Variants in CDH8 observed in about 807,000 individuals in gnomAD.
CDH8 encodes the protein cadherin 8.
CDH8 carries 17 observed loss-of-function variants against 68.1 expected under a neutral mutation model. That is an observed-to-expected ratio of 0.25 (90% CI 0.17 to 0.37). The LOEUF (loss-of-function observed/expected upper bound fraction) is 0.37, where lower values mean the gene tolerates loss of function less well. CDH8 is among the 10% of genes least tolerant of loss of function. The probability of loss-of-function intolerance (pLI) is 1.00; values close to 1 mark genes in which losing one functional copy is unlikely to be tolerated. For synonymous variants in CDH8, 372 were observed against 365.1 expected (o/e 1.02, Z -0.21); for missense variants, 763 against 999.3 (o/e 0.76, Z 3.19).
chr16:61,928,526 C>G (rs1264281756), intron 2 of CDH8, among the ~76,000 whole-genome samples: 3 of 152,162 alleles, frequency 2.0e-5, no homozygotes, highest in African/African-American at 2.4e-5. Flanking sequence ...TCACCTCCAA[C>G]TCTAAACCTG....
intron 2 of CDH8, among the ~76,000 whole-genome samples, chr16:61,912,789 T>G (rs1964181679): frequency 6.6e-6 from 1 of 152,110 alleles, no homozygotes; most frequent in South Asian, 2.1e-4. Flanking sequence ...CTTCTCAGAT[T>G]ATCCTACAGA....
At chr16:61,695,804 G>C (rs1964314460) in intron 10 of CDH8, among the ~76,000 whole-genome samples, 1 of 152,098 alleles carries the variant, frequency 6.6e-6, no homozygotes, top group Non-Finnish European at 1.5e-5. Flanking sequence ...GAGTAAAGAT[G>C]GATACAGTTT....
intron 2 of CDH8, among the ~76,000 whole-genome samples, chr16:61,972,196 G>A (rs1410499180): frequency 6.6e-6 from 1 of 152,144 alleles, no homozygotes; most frequent in Non-Finnish European, 1.5e-5. Context: ...CACCATGTAA[G>A]ATGTGACTTT....
intron 2 of CDH8, among the ~76,000 whole-genome samples, chr16:62,006,942 C>A (rs1157506419): frequency 6.7e-6 from 1 of 148,638 alleles, no homozygotes; most frequent in African/African-American, 2.5e-5. Flanking sequence ...GAGTCTCACT[C>A]TGTCGCCCAG....
At chr16:61,833,146 C>T (rs1015934079) in intron 4 of CDH8, among the ~76,000 whole-genome samples, 10 of 151,104 alleles carry the variant, frequency 6.6e-5, no homozygotes, top group African/African-American at 2.2e-4. Context: ...TATTATTGTT[C>T]GGTATTATTA....
Position 62,021,366 on chromosome 16 carries a change from C to G in CDH8, c.38G>C (p.Trp13Ser). The change falls in exon 2 of 12, where the codon TGG becomes TCG. Residue 13 changes from tryptophan (W) to serine (S), a missense_variant. Physicochemically the swap from Trp to Ser is radical, Grantham distance 177. This residue lies in a region of CDH8 where 366 missense variants were observed against 563.1 expected (regional missense o/e 0.65). Transcript: ENST00000577390. ...AATCCATAATATTATTAATGGAGTC[C>G]AGAGATCCAAGAGCATTTCCGCTAG... ...ERLAEMLLDLWTPLIILWITL... is the reference protein window; with the variant it reads ...ERLAEMLLDLSTPLIILWITL... The G allele has an allele frequency of 6.2e-7, 1 of 1,613,058 alleles. No individual in the cohort carries two copies. Among genetic ancestry groups the G allele is most frequent in the Non-Finnish European group, 8.5e-7 (1 of 1,179,304 alleles).
intron 3 of CDH8, among the ~76,000 whole-genome samples, chr16:61,861,120 C>G (rs1597024407): frequency 6.6e-6 from 1 of 152,228 alleles, no homozygotes; most frequent in East Asian, 1.9e-4. Context: ...AGGTTTTACC[C>G]TCTGAAAAAC....
intron 7 of CDH8, among the ~76,000 whole-genome samples, chr16:61,796,693 CT>C (rs1459122752): frequency 3.3e-5 from 5 of 152,006 alleles, no homozygotes; most frequent in Non-Finnish European, 7.4e-5. Context: ...AGTAGTATTT[CT>C]TGGAAGTAAA....
chr16:61,847,962 C>A (rs139059289), intron 4 of CDH8, among the ~76,000 whole-genome samples: 217 of 151,808 alleles, frequency 1.4e-3, no homozygotes, highest in African/African-American at 5.0e-3. Context: ...AGTTAACATC[C>A]CTTGGATATT....
chr16:61,972,571 G>GGGGGT (rs369833002), intron 2 of CDH8, among the ~76,000 whole-genome samples: 42 of 131,466 alleles, frequency 3.2e-4, no homozygotes, highest in Middle Eastern at 3.4e-3. Flanking sequence ...ACACATTGTG[G>GGGGGT]GTGTGTGTGT....
At chr16:61,917,615 A>G (rs1964264885) in intron 2 of CDH8, among the ~76,000 whole-genome samples, 1 of 152,146 alleles carries the variant, frequency 6.6e-6, no homozygotes, top group Non-Finnish European at 1.5e-5. Context: ...CTTGCTGCCT[A>G]TCTGTAAGTA....
intron 10 of CDH8, among the ~76,000 whole-genome samples, chr16:61,701,412 T>C (rs1964426125): frequency 6.6e-6 from 1 of 152,222 alleles, no homozygotes; most frequent in Non-Finnish European, 1.5e-5. Context: ...CAGAAAACAG[T>C]AAATATTTCT....
chr16:62,005,320 C>T (rs544715251), intron 2 of CDH8, among the ~76,000 whole-genome samples: 2 of 152,254 alleles, frequency 1.3e-5, no homozygotes, highest in East Asian at 3.9e-4. Context: ...GTGTGGTTTC[C>T]TGGCCTGCGT....
At chr16:62,020,381 A>G (rs1426735438) in intron 2 of CDH8, among the ~76,000 whole-genome samples, 1 of 151,890 alleles carries the variant, frequency 6.6e-6, no homozygotes, top group Non-Finnish European at 1.5e-5. Context: ...GTAGTCTCCA[A>G]TAACCCAGTG....
intron 2 of CDH8, among the ~76,000 whole-genome samples, chr16:61,989,505 A>G (rs1359916231): frequency 6.6e-6 from 1 of 152,174 alleles, no homozygotes; most frequent in Non-Finnish European, 1.5e-5. Flanking sequence ...GAAGAACAAT[A>G]TACACATTCA....
chr16:61,911,154 G>C (rs867565728), intron 2 of CDH8, among the ~76,000 whole-genome samples: 4 of 152,034 alleles, frequency 2.6e-5, no homozygotes, highest in African/African-American at 9.7e-5. Context: ...CTCCAAGAGT[G>C]GAAGGATGGA....
At chr16:61,955,944 C>T (rs1964980934) in intron 2 of CDH8, among the ~76,000 whole-genome samples, 1 of 152,124 alleles carries the variant, frequency 6.6e-6, no homozygotes, top group Non-Finnish European at 1.5e-5. Context: ...AAAGCTATCC[C>T]ACAATTAAAC....
chr16:61,730,693 T>C (rs755073267), intron 8 of CDH8, among the ~76,000 whole-genome samples: 11 of 151,672 alleles, frequency 7.3e-5, no homozygotes, highest in Non-Finnish European at 1.2e-4. Flanking sequence ...ATGTTTCCTC[T>C]TAATATTTTA....
intron 10 of CDH8, among the ~76,000 whole-genome samples, chr16:61,699,710 G>T (rs909228732): frequency 1.7e-4 from 26 of 152,242 alleles, no homozygotes; most frequent in African/African-American, 6.0e-4. Context: ...AAGTAGTTGG[G>T]ATTACAGGCA....
Sources: allele counts gnomAD v4.1 joint callset (sites outside exome capture counted in the v4.1 genomes callset), GRCh38; gene constraint gnomAD v4.1.1; regional missense constraint gnomAD v4.1.1; transcripts MANE v1.5; gene names NCBI Gene and HGNC (gene_info 2026-07-23, HGNC 2026-07-21).